Variants in ROBO2 observed in about 807,000 individuals in gnomAD.
ROBO2 encodes roundabout homolog 2.
ROBO2 carries 53 observed loss-of-function variants against 160.8 expected under a neutral mutation model. The observed-to-expected ratio is 0.33, with a 90% CI of 0.26 to 0.41. The LOEUF (loss-of-function observed/expected upper bound fraction) is 0.41. Among genes scored for constraint, ROBO2 ranks in the 10% least tolerant of loss-of-function variants. ROBO2 has a pLI of 1.00. For missense variants in ROBO2, 1,577 were observed against 1,722.4 expected (o/e 0.92, Z 1.49); for synonymous variants, 664 against 611.7 (o/e 1.09, Z -1.26).
chr3:76,364,460 T>C (rs1359345497), intron 2 of ROBO2, among the ~76,000 whole-genome samples: 1 of 152,052 alleles, frequency 6.6e-6, no homozygotes, highest in African/African-American at 2.4e-5. Context: ...AAACCTAGAA[T>C]AACGCCTGTC....
chr3:76,591,378 A>C (rs1163459393), intron 2 of ROBO2, among the ~76,000 whole-genome samples: 2 of 152,136 alleles, frequency 1.3e-5, no homozygotes, highest in Admixed American at 1.3e-4. Flanking sequence ...CCAGGCATAC[A>C]TGGGCCTATG....
intron 2 of ROBO2, among the ~76,000 whole-genome samples, chr3:76,616,603 T>TA (rs1433902718): frequency 6.6e-6 from 1 of 152,162 alleles, no homozygotes; most frequent in African/African-American, 2.4e-5. Context: ...GGCAACTAAT[T>TA]AGAGTGGAGT....
At chr3:76,369,627 G>A (rs772554852) in intron 2 of ROBO2, among the ~76,000 whole-genome samples, 8 of 151,608 alleles carry the variant, frequency 5.3e-5, no homozygotes, top group Non-Finnish European at 1.0e-4. Context: ...GTATCTTTTC[G>A]GCAACATCAG....
At position 77,285,604 on chromosome 3, in the gene ROBO2, C is replaced by T. The variant is rs565902754; in HGVS notation, c.388+187264C>T. On this transcript the variant is annotated intron_variant, in intron 2 of 25. Transcript: ENST00000461745. ...ATAAATCCTATGATCTCCACTTTTA[C>T]CCAAAGCCTTTTTTAAACTAAAGCA... 2.6e-5 allele frequency among the ~76,000 whole-genome samples: 4 copies of T among 152,222 alleles called. No homozygotes were observed. In the East Asian group the frequency reaches 7.8e-4, roughly 30 times the overall value.
At chr3:76,464,407 C>G (rs1322712854) in intron 2 of ROBO2, among the ~76,000 whole-genome samples, 1 of 152,138 alleles carries the variant, frequency 6.6e-6, no homozygotes, top group African/African-American at 2.4e-5. Flanking sequence ...TAGTCCCACA[C>G]TGCCAAATCC....
At position 76,401,644 on chromosome 3, in the gene ROBO2, A is replaced by G. The variant is rs539853963; in HGVS notation, c.109+464042A>G. Among the ~76,000 whole-genome samples, 6 of 151,552 alleles carry G rather than the reference A, an allele frequency of 4.0e-5. No homozygotes were observed. The South Asian group carries it at 1.0e-3, about 26-fold the overall frequency. ...TTCTACATGGCTCCCATACATTACCATATTTAAGCTTCACAATAAATTTAT... is the reference window on the plus strand; with the variant it reads ...TTCTACATGGCTCCCATACATTACCGTATTTAAGCTTCACAATAAATTTAT... On this transcript the variant is annotated intron_variant, in intron 2 of 26. Coordinates refer to the ROBO2 transcript ENST00000487694.
intron 2 of ROBO2, among the ~76,000 whole-genome samples, chr3:76,566,071 C>T (rs1378247258): frequency 6.6e-6 from 1 of 152,152 alleles, no homozygotes; most frequent in Non-Finnish European, 1.5e-5. Flanking sequence ...ACATAGCTTC[C>T]TTTGTTCACC....
At chr3:76,112,620 G>T (rs1042954168) in intron 2 of ROBO2, among the ~76,000 whole-genome samples, 4 of 151,980 alleles carry the variant, frequency 2.6e-5, no homozygotes, top group Non-Finnish European at 4.4e-5. Context: ...TCTTTCAGAA[G>T]AAATCTTCAC....
rs376707290 is a variant in ROBO2 at position 76,857,089 on chromosome 3, G to T, written c.110-240925G>T. On this transcript the variant is annotated intron_variant, in intron 2 of 26. Coordinates refer to the ROBO2 transcript ENST00000487694. Reference sequence around the variant, plus strand: ...CTAGCTCCTTCTCCCGGGTTCAAGCGATTCTCGTGCCTCAGCCTCCGGAGT... The same window carrying T: ...CTAGCTCCTTCTCCCGGGTTCAAGCTATTCTCGTGCCTCAGCCTCCGGAGT... 1.1e-4 allele frequency among the ~76,000 whole-genome samples: 16 copies of T among 152,000 alleles called. No homozygotes were observed. In the East Asian group the frequency reaches 1.7e-3, roughly 17 times the overall value.
chr3:77,462,570 C>G (rs1438952932), intron 2 of ROBO2, among the ~76,000 whole-genome samples: 1 of 152,186 alleles, frequency 6.6e-6, no homozygotes, highest in African/African-American at 2.4e-5. Context: ...CTCTTCGCAA[C>G]TCTTTGTGTT....
intron 2 of ROBO2, among the ~76,000 whole-genome samples, chr3:76,842,477 C>A (rs1219482245): frequency 6.6e-6 from 1 of 152,204 alleles, no homozygotes; most frequent in East Asian, 1.9e-4. Flanking sequence ...CAAATCTAAA[C>A]TGGACTACCA....
At chr3:76,966,201 C>A (rs1008868716) in intron 2 of ROBO2, among the ~76,000 whole-genome samples, 9 of 152,056 alleles carry the variant, frequency 5.9e-5, no homozygotes, top group Non-Finnish European at 1.3e-4. Flanking sequence ...GGATTACAGG[C>A]GTGAGCCACC....
chr3:76,833,970 CTCTT>C (rs1263646117), intron 2 of ROBO2, among the ~76,000 whole-genome samples: 1 of 122,296 alleles, frequency 8.2e-6, no homozygotes, highest in Non-Finnish European at 1.8e-5. Context: ...TCCTTTCTTT[CTCTT>C]TCTTTTCTTT....
intron 2 of ROBO2, among the ~76,000 whole-genome samples, chr3:76,612,073 T>G (rs530646833): frequency 1.3e-5 from 2 of 152,244 alleles, no homozygotes; most frequent in Non-Finnish European, 2.9e-5. Flanking sequence ...ACAAAGTTTC[T>G]CTAGTCACTA....
chr3:75,950,911 C>A (rs1458090031), intron 2 of ROBO2, among the ~76,000 whole-genome samples: 3 of 151,930 alleles, frequency 2.0e-5, no homozygotes, highest in South Asian at 4.2e-4. Flanking sequence ...CAACTGCAAC[C>A]CTAAACTGAA....
At chr3:76,446,249 GACAA>G (rs752507007) in intron 2 of ROBO2, among the ~76,000 whole-genome samples, 8 of 152,094 alleles carry the variant, frequency 5.3e-5, no homozygotes, top group Non-Finnish European at 1.0e-4. Flanking sequence ...AACAATAAGA[GACAA>G]ACAGAGAGCC....
Position 76,272,832 on chromosome 3 carries a change from T to TATATAAA in ROBO2, c.109+335235_109+335236insAAATATA, listed in dbSNP as rs1250115059. Reference sequence around the variant, plus strand: ...ATATAATATGTATTTATATATAAAATATATATATTATATATTATATATAAA... The same window carrying TATATAAA: ...ATATAATATGTATTTATATATAAAATATATAAAATATATATTATATATTATATATAAA... On this transcript the variant is annotated intron_variant, in intron 2 of 26. Transcript: ENST00000487694. 1.7e-3 allele frequency among the ~76,000 whole-genome samples: 64 copies of TATATAAA among 38,282 alleles called. 4 individuals are homozygous for TATATAAA. The highest frequency in any genetic ancestry group is 5.2e-3 in the South Asian group (7 of 1,350). 25.1% of individuals were successfully genotyped at this position (38,282 alleles called of 152,430 possible).
At chr3:76,025,764 A>G (rs2066722830) in intron 2 of ROBO2, among the ~76,000 whole-genome samples, 1 of 151,888 alleles carries the variant, frequency 6.6e-6, no homozygotes, top group Non-Finnish European at 1.5e-5. Flanking sequence ...AATATTTTCC[A>G]TGCTCTGTAA....
At chr3:77,231,547 T>A (rs2087214848) in intron 2 of ROBO2, among the ~76,000 whole-genome samples, 1 of 152,032 alleles carries the variant, frequency 6.6e-6, no homozygotes, top group African/African-American at 2.4e-5. Context: ...AAACCTCACC[T>A]CCTACTTTAC....
Sources: gnomAD v4.1 joint callset for allele counts (sites outside exome capture counted in the v4.1 genomes callset) on GRCh38, gnomAD v4.1.1 for gene constraint, MANE v1.5 for transcripts, NCBI Gene and HGNC (gene_info 2026-07-23, HGNC 2026-07-21) for gene names.